Variants in ECT2L observed in about 807,000 individuals in gnomAD.
ECT2L encodes epithelial cell transforming 2 like, also known as epithelial cell-transforming sequence 2 oncogene-like.
A neutral mutation model predicts 122.8 loss-of-function variants in ECT2L; 126 were observed. The observed-to-expected ratio is 1.03, with a 90% CI of 0.89 to 1.19. ECT2L has a LOEUF of 1.19. ECT2L is among the 50% of genes most tolerant of loss of function. The probability of loss-of-function intolerance (pLI) is 0.00; values close to 1 mark genes in which losing one functional copy is unlikely to be tolerated. For missense variants in ECT2L, 1,012 were observed against 1,064.1 expected (o/e 0.95, Z 0.68); for synonymous variants, 385 against 381.8 (o/e 1.01, Z -0.10).
chr6:138,826,291 A>G (rs1347818692), intron 4 of ECT2L, among the ~76,000 whole-genome samples: 1 of 152,198 alleles, frequency 6.6e-6, no homozygotes, highest in Non-Finnish European at 1.5e-5. Flanking sequence ...CCCAACATAC[A>G]TACCAGCCAC....
At chr6:138,826,163 G>T (rs931480956) in intron 4 of ECT2L, among the ~76,000 whole-genome samples, 1 of 152,098 alleles carries the variant, frequency 6.6e-6, no homozygotes. Context: ...CCACTTAGAG[G>T]CCATGGCCTG....
Position 138,891,438 on chromosome 6 carries a change from CCTGAAGCCTG to C in ECT2L, c.2414+2410_2414+2419del, listed in dbSNP as rs1779022062. On this transcript the variant is annotated intron_variant, in intron 20 of 21. Transcript: ENST00000541398. ...TAAGAGACATTTACCATCTATTCTC[CCTGAAGCCTG>C]CTACCTGGAGGCTTCATCTACATAA... Among the ~76,000 whole-genome samples, 2 of 152,094 alleles carry C rather than the reference CCTGAAGCCTG, an allele frequency of 1.3e-5. 1 individual carries two copies. The highest frequency in any genetic ancestry group is 4.1e-4 in the South Asian group (2 of 4,824).
At chr6:138,889,608 C>G (rs191832777) in intron 20 of ECT2L, among the ~76,000 whole-genome samples, 22 of 152,360 alleles carry the variant, frequency 1.4e-4, no homozygotes, top group Non-Finnish European at 2.6e-4. Context: ...GCATGAGCCA[C>G]TGCACCCGGC....
intron 4 of ECT2L, among the ~76,000 whole-genome samples, chr6:138,818,266 C>G (rs1041407671): frequency 6.6e-6 from 1 of 152,280 alleles, no homozygotes; most frequent in African/African-American, 2.4e-5. Context: ...TTGTCTCCAT[C>G]AGAGCAGACT....
At position 138,850,811 on chromosome 6, in the gene ECT2L, G is replaced by T. The variant is rs181299745; in HGVS notation, c.1069+1377G>T. On this transcript the variant is annotated intron_variant, in intron 9 of 21. Transcript: ENST00000541398. ...GAGGTCAGGAGTTCAAGACCAGCCT[G>T]ACCAACATAGAGAAACCCCATCTCT... Among the ~76,000 whole-genome samples the T allele has an allele frequency of 4.0e-3, 608 of 152,042 alleles. 2 individuals carry two copies. Among genetic ancestry groups the T allele is most frequent in the Non-Finnish European group, 4.8e-3 (327 of 67,980 alleles).
intron 21 of ECT2L, 55 bp from the exon 22 acceptor site, chr6:138,902,445 T>C: frequency 6.6e-7 from 1 of 1,525,928 alleles, no homozygotes; most frequent in Admixed American, 2.2e-5. Context: ...ACATTTTTTC[T>C]CATTTTGATT....
intron 4 of ECT2L, among the ~76,000 whole-genome samples, chr6:138,829,829 T>C (rs1247338079): frequency 6.6e-6 from 1 of 151,938 alleles, no homozygotes; most frequent in Non-Finnish European, 1.5e-5. Context: ...TTCCAGCGAC[T>C]CTCCCACCTC....
chr6:138,856,572 GTCT>G (rs1371403609), intron 10 of ECT2L, among the ~76,000 whole-genome samples: 2 of 152,134 alleles, frequency 1.3e-5, no homozygotes, highest in African/African-American at 4.8e-5. Flanking sequence ...CTACCACCAT[GTCT>G]TCATTTTTGC....
Position 138,846,678 on chromosome 6 carries a change from G to A in ECT2L, c.903+1G>A. ...ATCATCCCGGATTCCTGCGTATGAG[G>A]TAGAGTATGTTATGAGGCCAGTCCT... is the stretch of plus-strand genomic sequence containing the variant. On this transcript the variant is annotated splice_donor_variant, in intron 8 of 21. Transcript: ENST00000541398. LOFTEE classifies it high-confidence loss of function. The A allele has an allele frequency of 1.3e-6, 2 of 1,590,040 alleles. No individual in the cohort carries two copies. Among genetic ancestry groups the A allele is most frequent in the Non-Finnish European group, 1.7e-6 (2 of 1,169,798 alleles).
rs115460443 is a variant in ECT2L at position 138,820,284 on chromosome 6, T to A, written c.179+5681T>A. Among the ~76,000 whole-genome samples, 554 of 151,754 alleles carry A rather than the reference T, an allele frequency of 3.7e-3. 2 individuals carry two copies. The highest frequency in any genetic ancestry group is 0.012 in the African/African-American group (508 of 41,166). ...CCCAGGGAGACATAAGGGTGGAGAGTCTTCTTCTTGCTGAAAGAAACTTAA... is the reference window on the plus strand; with the variant it reads ...CCCAGGGAGACATAAGGGTGGAGAGACTTCTTCTTGCTGAAAGAAACTTAA... On this transcript the variant is annotated intron_variant, in intron 4 of 21. Coordinates refer to ENST00000541398, the MANE Select transcript of ECT2L (RefSeq NM_001077706.3).
At chr6:138,823,776 C>T in intron 4 of ECT2L, 1 of 995,508 alleles carries the variant, frequency 1.0e-6, no homozygotes. Flanking sequence ...TCCTACAGAG[C>T]CAACCAGTAC....
chr6:138,831,248 C>T (rs1479197865), intron 4 of ECT2L, among the ~76,000 whole-genome samples: 1 of 152,226 alleles, frequency 6.6e-6, no homozygotes, highest in Non-Finnish European at 1.5e-5. Context: ...TCTAATTGGT[C>T]TCCCCATCAT....
chr6:138,843,990 C>T (rs1211301718), intron 6 of ECT2L, among the ~76,000 whole-genome samples: 2 of 152,154 alleles, frequency 1.3e-5, no homozygotes, highest in Non-Finnish European at 2.9e-5. Flanking sequence ...CGCCCAGCCT[C>T]AGCTAGGCCT....
At chr6:138,828,658 G>A (rs1776542654) in intron 4 of ECT2L, among the ~76,000 whole-genome samples, 1 of 152,110 alleles carries the variant, frequency 6.6e-6, no homozygotes, top group African/African-American at 2.4e-5. Context: ...TTACTAGTTA[G>A]CATACTTCTA....
chr6:138,852,018 C>T (rs766422955), intron 9 of ECT2L, among the ~76,000 whole-genome samples: 13 of 152,208 alleles, frequency 8.5e-5, no homozygotes, highest in African/African-American at 2.2e-4. Flanking sequence ...GTGGCTCATA[C>T]CTGTAATCCT....
At chr6:138,816,654 T>G (rs1776077626) in intron 4 of ECT2L, among the ~76,000 whole-genome samples, 1 of 152,064 alleles carries the variant, frequency 6.6e-6, no homozygotes. Context: ...CCAGCTACTT[T>G]TTTTGTATTT....
chr6:138,888,796 T>C, intron 19 of ECT2L, 147 bp from the exon 20 acceptor site: 1 of 331,946 alleles, frequency 3.0e-6, no homozygotes, highest in Admixed American at 4.9e-5. Context: ...GAAAACCTGT[T>C]TCATAAACAG....
At chr6:138,888,311 T>A (rs1778896187) in intron 19 of ECT2L, among the ~76,000 whole-genome samples, 1 of 125,016 alleles carries the variant, frequency 8.0e-6, no homozygotes, top group Non-Finnish European at 1.7e-5. Context: ...CACTTCTTTT[T>A]CTTTTCTTTT....
chr6:138,817,196 C>T (rs1171145635), intron 4 of ECT2L, among the ~76,000 whole-genome samples: 1 of 152,162 alleles, frequency 6.6e-6, no homozygotes, highest in African/African-American at 2.4e-5. Flanking sequence ...ATCCACTCCT[C>T]AGTTGATTAT....
Sources: allele counts gnomAD v4.1 joint callset (sites outside exome capture counted in the v4.1 genomes callset), GRCh38; gene constraint gnomAD v4.1.1; transcripts MANE v1.5; gene names NCBI Gene and HGNC (gene_info 2026-07-23, HGNC 2026-07-21).